POU6F2: variants seen among roughly 807,000 people sequenced by gnomAD.
POU6F2 encodes the protein POU domain, class 6, transcription factor 2.
Under a neutral mutation model 71.3 loss-of-function variants are expected in POU6F2, and 31 were observed. The observed-to-expected ratio is 0.43, with a 90% confidence interval of 0.33 to 0.59. The LOEUF is 0.59. Ranked by LOEUF, POU6F2 falls within the 20% of genes least tolerant of loss-of-function variation. The pLI is 0.04. For missense variants in POU6F2, 783 were observed against 856.8 expected, an observed-to-expected ratio of 0.91 and a Z score of 1.07; for synonymous variants, 347 against 355.7, an observed-to-expected ratio of 0.98 and a Z score of 0.27.
intron 9 of POU6F2, among the ~76,000 whole-genome samples, chr7:39,461,621 G>A (rs1378591561): frequency 1.3e-5 from 2 of 152,132 alleles, no homozygotes; most frequent in Admixed American, 1.3e-4. Flanking sequence ...ATTCCCCAAA[G>A]GACGGAAGTG....
chr7:38,986,455 C>T (rs1014869597), intron 1 of POU6F2, among the ~76,000 whole-genome samples: 11 of 152,106 alleles, frequency 7.2e-5, no homozygotes, highest in African/African-American at 2.7e-4. Context: ...TTGCAATGTA[C>T]TGCCATTTGT....
intron 1 of POU6F2, among the ~76,000 whole-genome samples, chr7:38,980,650 C>T (rs1426140876): frequency 6.6e-6 from 1 of 151,982 alleles, no homozygotes; most frequent in African/African-American, 2.4e-5. Flanking sequence ...TTTAATAATG[C>T]AAATGTTTGT....
At chr7:39,006,740 T>G in intron 1 of POU6F2, 1 of 1,016,316 alleles carries the variant, frequency 9.8e-7, no homozygotes, top group Non-Finnish European at 1.6e-6. Context: ...AAATAAAATG[T>G]TGGGGTTTTC....
rs1056769613 is a variant in POU6F2, at chr7:39,467,017, C to T, written c.*2331C>T. 5.9e-5 allele frequency: 9 copies of T among 152,066 alleles called. No homozygotes were observed. The highest frequency in any genetic ancestry group is 1.9e-4 in the African/African-American group (8 of 41,384). The allele number at this position is 152,066 out of a possible 1,614,324, so 9.4% of individuals were successfully genotyped here. A position where few individuals can be genotyped will look rare whatever the true frequency, so the allele number is the denominator to read the frequency against. ...GGATGCTAAATATTTAAATATATGC[C>T]GGCAGCGGTTACATAAGGCCTGCTC... On this transcript the variant is annotated 3_prime_UTR_variant, in exon 10 of 10. Coordinates refer to ENST00000518318, the MANE Select transcript of POU6F2 (RefSeq NM_001370959.1).
chr7:39,017,813 C>CGT (rs70977447), intron 1 of POU6F2, among the ~76,000 whole-genome samples: 49,999 of 147,768 alleles, frequency 0.34, 8,567 homozygotes, highest in East Asian at 0.64. Flanking sequence ...ATTGTGCATG[C>CGT]GTGTGTGTGT....
chr7:39,214,985 A>G (rs1375956131), intron 4 of POU6F2, among the ~76,000 whole-genome samples: 1 of 152,224 alleles, frequency 6.6e-6, no homozygotes, highest in African/African-American at 2.4e-5. Flanking sequence ...TTTCATGGAT[A>G]TATGTTTGCA....
chr7:39,419,294 A>G (rs1787796706), intron 6 of POU6F2, among the ~76,000 whole-genome samples: 1 of 151,742 alleles, frequency 6.6e-6, no homozygotes, highest in Non-Finnish European at 1.5e-5. Flanking sequence ...GTTGGAGTAC[A>G]GTGTTGCCAT....
intron 2 of POU6F2, among the ~76,000 whole-genome samples, chr7:39,133,053 C>G (rs1433630765): frequency 6.6e-6 from 1 of 152,196 alleles, no homozygotes; most frequent in Non-Finnish European, 1.5e-5. Flanking sequence ...CATAAAACAT[C>G]ACATTCTACT....
At chr7:39,366,632 A>G (rs1677467597) in intron 5 of POU6F2, among the ~76,000 whole-genome samples, 1 of 152,102 alleles carries the variant, frequency 6.6e-6, no homozygotes, top group African/African-American at 2.4e-5. Context: ...GGGAACAGCC[A>G]CCACCTATGA....
chr7:39,176,091 T>C lies in POU6F2; in HGVS notation c.278-28144T>C, dbSNP rs150264681. 2.0e-3 allele frequency among the ~76,000 whole-genome samples: 311 copies of C among 152,324 alleles called. 2 individuals are homozygous for C. The highest frequency in any genetic ancestry group is 7.3e-3 in the African/African-American group (303 of 41,574). On this transcript the variant is annotated intron_variant, in intron 2 of 9. Coordinates refer to ENST00000518318, the MANE Select transcript of POU6F2 (RefSeq NM_001370959.1). ...CTTCCTTTGTAACTTTCAAGTGCTT[T>C]TATTGGCCAGCAACAAAGTGCTTAA...
intron 4 of POU6F2, among the ~76,000 whole-genome samples, chr7:39,264,171 C>T (rs1377044166): frequency 6.6e-6 from 1 of 152,172 alleles, no homozygotes; most frequent in African/African-American, 2.4e-5. Context: ...TCTACCTGGG[C>T]TGTGTGGGCA....
At chr7:39,274,299 G>T (rs1189318940) in intron 4 of POU6F2, among the ~76,000 whole-genome samples, 3 of 152,118 alleles carry the variant, frequency 2.0e-5, no homozygotes, top group Non-Finnish European at 4.4e-5. Context: ...AGAAAATCTA[G>T]AAGAAATGGA....
At chr7:39,221,084 A>G (rs961129023) in intron 4 of POU6F2, among the ~76,000 whole-genome samples, 3 of 152,158 alleles carry the variant, frequency 2.0e-5, no homozygotes, top group African/African-American at 4.8e-5. Context: ...GACACCAGAA[A>G]ATTTTAAATT....
At chr7:39,199,640 G>A (rs1793856381) in intron 2 of POU6F2, among the ~76,000 whole-genome samples, 1 of 152,158 alleles carries the variant, frequency 6.6e-6, no homozygotes. Flanking sequence ...ACTGAAGAAA[G>A]GAGTGTCGTG....
In POU6F2 at chr7:39,241,112, A is replaced by G. The variant is rs186811882; in HGVS notation, c.598+33492A>G. Among the ~76,000 whole-genome samples, 20 of 152,162 alleles carry G rather than the reference A, an allele frequency of 1.3e-4. No homozygotes were observed. In the East Asian group the frequency reaches 3.5e-3, roughly 26 times the overall value. On this transcript the variant is annotated intron_variant, in intron 4 of 9. Coordinates refer to ENST00000518318, the MANE Select transcript of POU6F2 (RefSeq NM_001370959.1). ...GACTTCAGCAGACTTCTCACTTCTT[A>G]TTGGCTGGAATTAGGTCGCATGCGT... is the stretch of plus-strand genomic sequence containing the variant.
intron 1 of POU6F2, among the ~76,000 whole-genome samples, chr7:39,050,271 G>A (rs1436636098): frequency 2.6e-5 from 4 of 152,026 alleles, no homozygotes; most frequent in Non-Finnish European, 4.4e-5. Flanking sequence ...GTCAGCCAAT[G>A]ATTAGTGAGA....
chr7:39,113,988 T>A, intron 2 of POU6F2, among the ~76,000 whole-genome samples: 1 of 152,188 alleles, frequency 6.6e-6, no homozygotes, highest in East Asian at 1.9e-4. Context: ...CAGCAGAGTG[T>A]ATCTCTTAAG....
intron 1 of POU6F2, among the ~76,000 whole-genome samples, chr7:39,009,150 C>T (rs1446626343): frequency 3.3e-5 from 5 of 151,872 alleles, no homozygotes; most frequent in Admixed American, 6.6e-5. Flanking sequence ...TCTTCCTACC[C>T]ATGAGCATGG....
intron 4 of POU6F2, among the ~76,000 whole-genome samples, chr7:39,248,221 T>G (rs936270744): frequency 2.0e-5 from 3 of 152,198 alleles, no homozygotes; most frequent in Admixed American, 2.0e-4. Flanking sequence ...GGATATGGGA[T>G]TAAGATAGCA....
Sources: allele counts gnomAD v4.1 joint callset (sites outside exome capture counted in the v4.1 genomes callset), GRCh38; gene constraint gnomAD v4.1.1; transcripts MANE v1.5; gene names NCBI Gene and HGNC (gene_info 2026-07-23, HGNC 2026-07-21).